The following ARHGEF10 variants were observed in gnomAD, a reference collection of about 807,000 sequenced individuals.
The protein encoded by ARHGEF10 is Rho guanine nucleotide exchange factor 10.
Under a neutral mutation model 147.4 loss-of-function variants are expected in ARHGEF10, and 140 were observed. The observed-to-expected ratio is 0.95, with a 90% confidence interval of 0.83 to 1.09. The LOEUF (loss-of-function observed/expected upper bound fraction) is 1.09. Ranked by LOEUF, ARHGEF10 falls within the 50% of genes least tolerant of loss-of-function variation. The pLI is 0.00. For missense variants in ARHGEF10, 2,222 were observed against 1,752.7 expected (o/e 1.27, Z -4.78); for synonymous variants, 902 against 695.8 (o/e 1.30, Z -4.67).
In ARHGEF10 at chr8:1,864,868, T is replaced by G. The variant is rs556004501; in HGVS notation, c.545+432T>G. Among the ~76,000 whole-genome samples the G allele has an allele frequency of 7.2e-5, 11 of 152,316 alleles. No homozygotes were observed. In the South Asian group the frequency reaches 1.2e-3, roughly 17 times the overall value. ...AAACAGAGTTGTGCCACCAGGTAGG[T>G]CCAGCCACGGTTCTCCATTAGAAAT... On this transcript the variant is annotated intron_variant, in intron 5 of 28. Coordinates refer to ENST00000349830, the MANE Select transcript of ARHGEF10 (RefSeq NM_014629.4).
intron 27 of ARHGEF10, among the ~76,000 whole-genome samples, chr8:1,949,771 G>A (rs960771065): frequency 2.0e-5 from 3 of 152,090 alleles, no homozygotes; most frequent in Admixed American, 1.3e-4. Flanking sequence ...GTTAACGAAC[G>A]AGACTGAGGA....
At chr8:1,898,569 G>A (rs773080253) in intron 15 of ARHGEF10, 44 bp downstream of exon 15, 16 of 1,577,126 alleles carry the variant, frequency 1.0e-5, no homozygotes, top group South Asian at 1.0e-4. Flanking sequence ...CCTCTGGCTC[G>A]CCCATGACTC....
chr8:1,828,390 G>A (rs140181445), intron 1 of ARHGEF10, among the ~76,000 whole-genome samples: 319 of 151,746 alleles, frequency 2.1e-3, no homozygotes, highest in African/African-American at 7.5e-3. Flanking sequence ...TTGATAAACC[G>A]TGGCATGCAC....
At chr8:1,952,953 T>C (rs573476885) in intron 28 of ARHGEF10, 126 bp downstream of exon 28, 1 of 1,355,714 alleles carries the variant, frequency 7.4e-7, no homozygotes, top group South Asian at 1.3e-5. Flanking sequence ...GGTTTTTCAG[T>C]GTATTATAAT....
chr8:1,885,338 C>T (rs1391103178), intron 10 of ARHGEF10, among the ~76,000 whole-genome samples: 1 of 152,172 alleles, frequency 6.6e-6, no homozygotes. Context: ...TGCTATCTAG[C>T]TATTCAAATG....
intron 25 of ARHGEF10, among the ~76,000 whole-genome samples, chr8:1,933,400 T>C (rs1381741696): frequency 1.3e-5 from 2 of 152,200 alleles, no homozygotes; most frequent in African/African-American, 4.8e-5. Flanking sequence ...TGCTGGGTAC[T>C]GTGCTGAGCT....
chr8:1,838,307 T>C (rs1803714660), intron 1 of ARHGEF10, among the ~76,000 whole-genome samples: 1 of 152,236 alleles, frequency 6.6e-6, no homozygotes, highest in South Asian at 2.1e-4. Context: ...TATTGGAGCA[T>C]TGTTAATTTT....
intron 2 of ARHGEF10, among the ~76,000 whole-genome samples, chr8:1,851,019 G>A (rs1446553234): frequency 2.0e-5 from 3 of 151,166 alleles, no homozygotes; most frequent in African/African-American, 7.3e-5. Flanking sequence ...CAAGCTCAGG[G>A]TTGCTAGGGG....
intron 2 of ARHGEF10, among the ~76,000 whole-genome samples, chr8:1,857,105 CA>C (rs1412464010): frequency 6.6e-6 from 1 of 152,226 alleles, no homozygotes; most frequent in Non-Finnish European, 1.5e-5. Flanking sequence ...TTACTTGGAA[CA>C]GTTATTAACC....
Position 1,832,909 on chromosome 8 carries a change from CAGACAGAGGCAG to C in ARHGEF10, c.-48+8816_-48+8827del, listed in dbSNP as rs1464075355. 2.4e-3 allele frequency among the ~76,000 whole-genome samples: 95 copies of C among 39,330 alleles called. 11 individuals carry two copies. The highest frequency in any genetic ancestry group is 9.4e-3 in the African/African-American group (79 of 8,412). 25.8% of individuals were successfully genotyped at this position (39,330 alleles called of 152,430 possible). The stretch of plus-strand genomic sequence containing the variant: ...AGAGGCAGACGCAGAGACAGAGAGA[CAGACAGAGGCAG>C]AGACAGAGGCAGAGACAGAAGCAGA... On this transcript the variant is annotated intron_variant, in intron 1 of 28. Transcript: ENST00000349830.
intron 17 of ARHGEF10, among the ~76,000 whole-genome samples, chr8:1,908,187 C>T (rs117374333): frequency 0.048 from 7,266 of 150,598 alleles, 226 homozygotes; most frequent in Middle Eastern, 0.085. Context: ...CAGTCCAATG[C>T]ATAGCACCCG....
chr8:1,918,701 TA>T (rs1371020673), intron 18 of ARHGEF10, among the ~76,000 whole-genome samples: 2 of 152,226 alleles, frequency 1.3e-5, no homozygotes, highest in African/African-American at 4.8e-5. Context: ...AAGTATACAA[TA>T]CCTTATTAAC....
At chr8:1,940,016 G>A (rs930444213) in intron 26 of ARHGEF10, among the ~76,000 whole-genome samples, 6 of 152,198 alleles carry the variant, frequency 3.9e-5, no homozygotes, top group Admixed American at 1.3e-4. Context: ...TGCCAGCAAC[G>A]TAACGGGGTG....
chr8:1,860,234 C>T, intron 4 of ARHGEF10, 50 bp downstream of exon 4: 1 of 1,599,078 alleles, frequency 6.3e-7, no homozygotes, highest in Non-Finnish European at 8.5e-7. Context: ...TGGTTCCCTC[C>T]TCTCCACGCC....
chr8:1,890,712 G>A (rs1809459318), intron 11 of ARHGEF10, among the ~76,000 whole-genome samples: 1 of 135,432 alleles, frequency 7.4e-6, no homozygotes, highest in African/African-American at 3.0e-5. Context: ...GGGGTCCGTG[G>A]GGTGTCACTG....
In ARHGEF10 at chr8:1,945,633, C is replaced by A. The variant is rs1281477479; in HGVS notation, c.3375C>A (p.Thr1125=). 3.7e-6 allele frequency: 6 copies of A among 1,614,140 alleles called. No individual in the cohort carries two copies. Among genetic ancestry groups the A allele is most frequent in the Non-Finnish European group, 5.1e-6 (6 of 1,180,060 alleles). ...LKHLQDINIA[T]PVHNMLPGHQ... is the part of the protein sequence containing the mutation. ...ACCTGCAGGACATCAACATCGCCAC[C>A]CCTGTTCACAACATGCTGCCAGGTA... is the stretch of plus-strand genomic sequence containing the variant. The change falls in exon 27 of 29, where the codon ACC becomes ACA. Residue 1125 remains threonine, a synonymous_variant. Coordinates refer to ENST00000349830, the MANE Select transcript of ARHGEF10 (RefSeq NM_014629.4).
intron 2 of ARHGEF10, among the ~76,000 whole-genome samples, chr8:1,855,585 T>C (rs139742471): frequency 1.7e-3 from 262 of 151,924 alleles, no homozygotes; most frequent in African/African-American, 6.0e-3. Context: ...AGACGGGGTT[T>C]CACTATGTTG....
At chr8:1,891,232 G>C (rs372075471) in intron 11 of ARHGEF10, among the ~76,000 whole-genome samples, 1 of 152,122 alleles carries the variant, frequency 6.6e-6, no homozygotes, top group Non-Finnish European at 1.5e-5. Flanking sequence ...TTGTAGTCAT[G>C]ATTCACATCG....
intron 10 of ARHGEF10, among the ~76,000 whole-genome samples, chr8:1,883,818 G>A (rs1808419324): frequency 6.6e-6 from 1 of 152,182 alleles, no homozygotes; most frequent in South Asian, 2.1e-4. Flanking sequence ...TGTCCAGTGA[G>A]GAGTTGGGAT....
Sources: allele counts gnomAD v4.1 joint callset (sites outside exome capture counted in the v4.1 genomes callset), GRCh38; gene constraint gnomAD v4.1.1; transcripts MANE v1.5; gene names NCBI Gene and HGNC (gene_info 2026-07-23, HGNC 2026-07-21).